Variants in KIAA1671 observed in about 807,000 individuals in gnomAD.
KIAA1671 encodes the protein KIAA1671.
A neutral mutation model predicts 131.2 loss-of-function variants in KIAA1671; 52 were observed. That is an observed-to-expected ratio of 0.40 (90% confidence interval 0.32 to 0.50). The LOEUF is 0.50. Ranked by LOEUF, KIAA1671 falls within the 20% of genes least tolerant of loss-of-function variation. KIAA1671 has a pLI of 0.73. For synonymous variants in KIAA1671, 1,003 were observed against 961.6 expected (o/e 1.04, Z -0.80); for missense variants, 2,360 against 2,364.2 (o/e 1.00, Z 0.04).
intron 5 of KIAA1671, among the ~76,000 whole-genome samples, chr22:25,046,810 T>C (rs1927261027): frequency 6.6e-6 from 1 of 152,140 alleles, no homozygotes; most frequent in Non-Finnish European, 1.5e-5. Context: ...CTAAAAGATA[T>C]CAATGACTGG....
At chr22:24,953,499 C>T (rs1324288152) in intron 1 of KIAA1671, among the ~76,000 whole-genome samples, 1 of 152,052 alleles carries the variant, frequency 6.6e-6, no homozygotes, top group African/African-American at 2.4e-5. Flanking sequence ...TGCGCCCCCC[C>T]TCCGCTCGTC....
At chr22:25,136,064 A>G (rs1295457952) in intron 6 of KIAA1671, among the ~76,000 whole-genome samples, 1 of 152,256 alleles carries the variant, frequency 6.6e-6, no homozygotes, top group African/African-American at 2.4e-5. Flanking sequence ...ACTTGAGACC[A>G]GGAGCACAGC....
At chr22:25,065,799 C>A (rs1001083730) in intron 6 of KIAA1671, among the ~76,000 whole-genome samples, 3 of 151,882 alleles carry the variant, frequency 2.0e-5, no homozygotes, top group Admixed American at 1.3e-4. Flanking sequence ...GCCACCACGC[C>A]CGGCTAATTT....
At chr22:25,030,571 A>T (rs1926231324) in intron 3 of KIAA1671, among the ~76,000 whole-genome samples, 1 of 151,872 alleles carries the variant, frequency 6.6e-6, no homozygotes, top group South Asian at 2.1e-4. Context: ...CAAAAAAGAT[A>T]TTCTTAGTCA....
chr22:24,968,645 GGTGGTGAT>G (rs1569194455), intron 1 of KIAA1671, among the ~76,000 whole-genome samples: 1 of 152,120 alleles, frequency 6.6e-6, no homozygotes, highest in African/African-American at 2.4e-5. Context: ...TATCTGGGTG[GGTGGTGAT>G]GTTAAGTAAA....
chr22:25,019,053 TGTG>T (rs1925509443), intron 1 of KIAA1671, among the ~76,000 whole-genome samples: 31 of 34,192 alleles, frequency 9.1e-4, no homozygotes, highest in Non-Finnish European at 1.8e-3. Context: ...AGTTGTTTTG[TGTG>T]TGTGTGTGTG....
chr22:25,160,205 A>T (rs1933387602), intron 6 of KIAA1671, among the ~76,000 whole-genome samples: 1 of 152,192 alleles, frequency 6.6e-6, no homozygotes, highest in East Asian at 1.9e-4. Context: ...GCTTGAGGTC[A>T]TCTAGGGAGT....
intron 6 of KIAA1671, among the ~76,000 whole-genome samples, chr22:25,148,067 CCT>C (rs533113334): frequency 8.5e-4 from 121 of 141,602 alleles, no homozygotes; most frequent in Non-Finnish European, 1.6e-3. Context: ...TTTTTTTTCT[CCT>C]CTCTTTCTTT....
At chr22:25,043,976 G>A (rs1602093556) in intron 5 of KIAA1671, among the ~76,000 whole-genome samples, 2 of 151,766 alleles carry the variant, frequency 1.3e-5, no homozygotes, top group East Asian at 3.9e-4. Flanking sequence ...CAGTCTGGAA[G>A]TGGATGCTGC....
chr22:25,123,853 G>A (rs1347357415), intron 6 of KIAA1671, among the ~76,000 whole-genome samples: 1 of 152,198 alleles, frequency 6.6e-6, no homozygotes, highest in East Asian at 1.9e-4. Flanking sequence ...CTGAGTTGTG[G>A]GGCTATTTGT....
intron 1 of KIAA1671, among the ~76,000 whole-genome samples, chr22:24,980,730 C>T (rs895164481): frequency 1.3e-5 from 2 of 151,956 alleles, no homozygotes; most frequent in Non-Finnish European, 2.9e-5. Context: ...ACATCCTTGC[C>T]AACACTTGTT....
At chr22:25,085,103 G>C (rs5752055) in intron 6 of KIAA1671, among the ~76,000 whole-genome samples, 56,136 of 152,172 alleles carry the variant, frequency 0.37, 10,664 homozygotes, top group Middle Eastern at 0.45. Flanking sequence ...CAGAGAATGT[G>C]TAGCCACATT....
chr22:25,179,280 G>A, intron 9 of KIAA1671: 5 of 1,560,690 alleles, frequency 3.2e-6, no homozygotes, highest in Admixed American at 1.9e-5. Flanking sequence ...GTGTTCTCTC[G>A]CAGGATGGGC....
At position 25,028,282 on chromosome 22, in the gene KIAA1671, G is replaced by T. The variant is rs1342271084; in HGVS notation, c.283G>T (p.Gly95Trp). 2 of 1,551,374 alleles carry T rather than the reference G, an allele frequency of 1.3e-6. No individual in the cohort carries two copies. The highest frequency in any genetic ancestry group is 1.7e-6 in the Non-Finnish European group (2 of 1,146,994). ...CAGTTCGACTGGACCTTCCCCCTCTGGGGGGCTCTCTGAGGAGCCAGCAGC... is the reference window on the plus strand; with the variant it reads ...CAGTTCGACTGGACCTTCCCCCTCTTGGGGGCTCTCTGAGGAGCCAGCAGC... The part of the protein sequence containing the change: ...RPSSTGPSPS[G>W]GLSEEPAAKD... Residue 95 changes from glycine to tryptophan, a missense_variant, in exon 3 of 13, where the codon GGG becomes TGG. By Grantham distance (184) the Gly-to-Trp change is radical. Around this residue, in one of 3 missense-constraint regions of KIAA1671, gnomAD observed 1,185 missense variants for 1,126.2 expected, o/e 1.05. Coordinates refer to ENST00000358431, the MANE Select transcript of KIAA1671 (RefSeq NM_001145206.2).
chr22:25,018,963 A>G (rs987362670), intron 1 of KIAA1671, among the ~76,000 whole-genome samples: 1 of 151,854 alleles, frequency 6.6e-6, no homozygotes, highest in Non-Finnish European at 1.5e-5. Flanking sequence ...TGCCATACTG[A>G]TTTCCACAGT....
At chr22:24,960,561 A>G (rs1258146035) in intron 1 of KIAA1671, among the ~76,000 whole-genome samples, 1 of 151,470 alleles carries the variant, frequency 6.6e-6, no homozygotes, top group Non-Finnish European at 1.5e-5. Context: ...AAAAAAAAAA[A>G]AAAGAAAAAA....
At chr22:24,975,742 A>G (rs1727941024) in intron 1 of KIAA1671, among the ~76,000 whole-genome samples, 1 of 152,170 alleles carries the variant, frequency 6.6e-6, no homozygotes, top group Non-Finnish European at 1.5e-5. Context: ...CTCTTTTTCC[A>G]GATGAGAAAA....
chr22:24,995,706 C>T (rs1924097588), intron 1 of KIAA1671, among the ~76,000 whole-genome samples: 1 of 152,216 alleles, frequency 6.6e-6, no homozygotes, highest in Non-Finnish European at 1.5e-5. Flanking sequence ...AGGACAATTA[C>T]TGATGTAGGT....
chr22:25,026,090 C>T (rs1352863820), intron 2 of KIAA1671, among the ~76,000 whole-genome samples: 1 of 152,176 alleles, frequency 6.6e-6, no homozygotes, highest in Non-Finnish European at 1.5e-5. Context: ...TCCATTCTAC[C>T]TCTAACCGTG....
Sources: gnomAD v4.1 joint callset for allele counts (sites outside exome capture counted in the v4.1 genomes callset) on GRCh38, gnomAD v4.1.1 for gene constraint, gnomAD v4.1.1 regional missense constraint, MANE v1.5 for transcripts, NCBI Gene and HGNC (gene_info 2026-07-23, HGNC 2026-07-21) for gene names.